MYO1D: variants seen among roughly 807,000 people sequenced by gnomAD.
MYO1D encodes unconventional myosin-Id.
In MYO1D, 83 loss-of-function variants were observed where a neutral mutation model predicts 122.0. The ratio of observed to expected loss-of-function variants is 0.68; its 90% CI spans 0.57 to 0.82. MYO1D has a LOEUF of 0.82. Ranked by LOEUF, MYO1D falls within the 40% of genes least tolerant of loss-of-function variation. The pLI, the probability that MYO1D is intolerant of heterozygous loss-of-function variation, is 0.00. For missense variants in MYO1D, 1,157 were observed against 1,269.5 expected (o/e 0.91, Z 1.35); for synonymous variants, 464 against 446.9 (o/e 1.04, Z -0.48).
chr17:32,551,401 C>T (rs923189881), intron 21 of MYO1D, among the ~76,000 whole-genome samples: 2 of 152,168 alleles, frequency 1.3e-5, no homozygotes, highest in Admixed American at 1.3e-4. Flanking sequence ...CAAGACTTGG[C>T]CATGTCTTTT....
intron 20 of MYO1D, among the ~76,000 whole-genome samples, chr17:32,631,027 T>C (rs1164122802): frequency 6.6e-6 from 1 of 152,210 alleles, no homozygotes; most frequent in East Asian, 1.9e-4. Flanking sequence ...AGATCCCACT[T>C]TAACTTAATT....
intron 20 of MYO1D, among the ~76,000 whole-genome samples, chr17:32,617,631 G>A (rs2087790475): frequency 6.6e-6 from 1 of 152,050 alleles, no homozygotes; most frequent in Admixed American, 6.6e-5. Context: ...AGTAGATATG[G>A]GGTTTCACCA....
intron 21 of MYO1D, among the ~76,000 whole-genome samples, chr17:32,526,630 A>G (rs570118149): frequency 2.7e-5 from 4 of 150,456 alleles, no homozygotes; most frequent in Non-Finnish European, 4.4e-5. Context: ...GTGGGCTGGT[A>G]AGTATGGACC....
At chr17:32,856,664 C>G (rs1216052547) in intron 1 of MYO1D, among the ~76,000 whole-genome samples, 1 of 152,194 alleles carries the variant, frequency 6.6e-6, no homozygotes, top group Non-Finnish European at 1.5e-5. Flanking sequence ...TCTGTGATAT[C>G]AGACTTTCCT....
At chr17:32,543,427 T>C (rs1910907886) in intron 21 of MYO1D, among the ~76,000 whole-genome samples, 2 of 147,768 alleles carry the variant, frequency 1.4e-5, no homozygotes, top group Non-Finnish European at 3.0e-5. Flanking sequence ...ATACAAAAAA[T>C]TAGTCGGGCG....
chr17:32,832,945 A>G (rs972626234), intron 1 of MYO1D, among the ~76,000 whole-genome samples: 1 of 152,232 alleles, frequency 6.6e-6, no homozygotes, highest in Non-Finnish European at 1.5e-5. Flanking sequence ...GGACGTTTAC[A>G]TTATTTTAAA....
chr17:32,679,140 A>G (rs1403694651), intron 16 of MYO1D, among the ~76,000 whole-genome samples: 1 of 151,904 alleles, frequency 6.6e-6, no homozygotes. Flanking sequence ...TTTGAGTTCA[A>G]TGTAGATTCT....
intron 21 of MYO1D, among the ~76,000 whole-genome samples, chr17:32,548,575 C>T (rs1395577210): frequency 6.6e-6 from 1 of 152,112 alleles, no homozygotes; most frequent in Non-Finnish European, 1.5e-5. Context: ...GTCACTGGCT[C>T]TATGAGCATT....
At chr17:32,617,723 G>T (rs1235125617) in intron 20 of MYO1D, among the ~76,000 whole-genome samples, 1 of 152,232 alleles carries the variant, frequency 6.6e-6, no homozygotes, top group Non-Finnish European at 1.5e-5. Context: ...TTACAGGCAT[G>T]AGCCACTGCT....
chr17:32,727,102 T>A (rs568141364), intron 14 of MYO1D, among the ~76,000 whole-genome samples: 1 of 152,280 alleles, frequency 6.6e-6, no homozygotes, highest in African/African-American at 2.4e-5. Flanking sequence ...GGAAAGAGTA[T>A]GATCTTAGGT....
At chr17:32,584,216 T>G (rs1270478224) in intron 21 of MYO1D, among the ~76,000 whole-genome samples, 2 of 152,240 alleles carry the variant, frequency 1.3e-5, no homozygotes, top group Non-Finnish European at 2.9e-5. Flanking sequence ...CTTTTACCTC[T>G]GTGCTTTAAA....
At chr17:32,792,543 C>T (rs2090364690) in intron 1 of MYO1D, 1 of 152,180 alleles carries the variant, frequency 6.6e-6, no homozygotes, top group Non-Finnish European at 1.5e-5. Context: ...ATCATGGTTT[C>T]CATGTGATGG....
chr17:32,607,923 T>C (rs1354867471), intron 20 of MYO1D, among the ~76,000 whole-genome samples: 21 of 152,122 alleles, frequency 1.4e-4, no homozygotes, highest in Admixed American at 1.4e-3. Context: ...ACTTGGAACA[T>C]TTGGACACCC....
chr17:32,761,652 T>A (rs762225037), intron 8 of MYO1D, among the ~76,000 whole-genome samples: 4 of 152,048 alleles, frequency 2.6e-5, no homozygotes, highest in Non-Finnish European at 4.4e-5. Flanking sequence ...ACAAATATAA[T>A]ATGACTCCCA....
At chr17:32,627,524 G>T in intron 20 of MYO1D, among the ~76,000 whole-genome samples, 1 of 152,148 alleles carries the variant, frequency 6.6e-6, no homozygotes, top group East Asian at 1.9e-4. Context: ...GAGCAATAAA[G>T]CATGAAGTCT....
chr17:32,695,604 T>A (rs1406779199), intron 16 of MYO1D, among the ~76,000 whole-genome samples: 1 of 152,174 alleles, frequency 6.6e-6, no homozygotes, highest in South Asian at 2.1e-4. Context: ...TAACTTGATA[T>A]CCCTACTGCT....
chr17:32,505,667 C>G (rs1440246361), intron 21 of MYO1D: 1 of 152,210 alleles, frequency 6.6e-6, no homozygotes, highest in Non-Finnish European at 1.5e-5. Context: ...AATCAACAAA[C>G]AAATTGTCAG....
intron 21 of MYO1D, among the ~76,000 whole-genome samples, chr17:32,597,314 T>C (rs1442092022): frequency 6.6e-6 from 1 of 152,162 alleles, no homozygotes; most frequent in Non-Finnish European, 1.5e-5. Flanking sequence ...GTGTCTCAGT[T>C]CCCTCTCTAG....
chr17:32,660,401 C>G (rs2088546539), intron 16 of MYO1D, among the ~76,000 whole-genome samples: 1 of 152,162 alleles, frequency 6.6e-6, no homozygotes, highest in African/African-American at 2.4e-5. Context: ...TCTTTTATTT[C>G]TTCTTAAAAA....
Sources: gnomAD v4.1 joint callset for allele counts (sites outside exome capture counted in the v4.1 genomes callset) on GRCh38, gnomAD v4.1.1 for gene constraint, MANE v1.5 for transcripts, NCBI Gene and HGNC (gene_info 2026-07-23, HGNC 2026-07-21) for gene names.